WNK1: variants seen among roughly 807,000 people sequenced by gnomAD.
WNK1 encodes serine/threonine-protein kinase WNK1.
WNK1 carries 38 observed loss-of-function variants against 222.8 expected under a neutral mutation model. That is an observed-to-expected ratio of 0.17 (90% CI 0.13 to 0.22). The LOEUF is 0.22. WNK1 is among the 10% of genes least tolerant of loss of function. WNK1 has a pLI of 1.00. For missense variants in WNK1, 2,348 were observed against 2,918.4 expected (o/e 0.80, Z 4.50); for synonymous variants, 1,090 against 1,092.9 (o/e 1.00, Z 0.05).
intron 1 of WNK1, among the ~76,000 whole-genome samples, chr12:763,998 G>A (rs1201456616): frequency 2.7e-5 from 4 of 147,510 alleles, no homozygotes; most frequent in Non-Finnish European, 6.1e-5. Context: ...CCAGTAAGAA[G>A]TTCAATAGGC....
At chr12:879,508 CCTTG>C in intron 10 of WNK1, 61 bp from the exon 11 acceptor site, 1 of 964,414 alleles carries the variant, frequency 1.0e-6, no homozygotes. Flanking sequence ...CTTTTGGCAG[CCTTG>C]CTTTTTTTTT....
intron 1 of WNK1, among the ~76,000 whole-genome samples, chr12:801,495 A>C (rs1389989012): frequency 6.8e-6 from 1 of 146,172 alleles, no homozygotes; most frequent in Non-Finnish European, 1.5e-5. Context: ...TGCAGCCTCA[A>C]CCTCCTGGGC....
chr12:861,225 C>G lies in WNK1; in HGVS notation c.1833C>G (p.Thr611=), dbSNP rs750433294. 2 of 1,614,042 alleles carry G rather than the reference C, an allele frequency of 1.2e-6. No individual in the cohort carries two copies. Among genetic ancestry groups the G allele is most frequent in the Non-Finnish European group, 1.7e-6 (2 of 1,179,992 alleles). The change falls in exon 7 of 28, where the codon ACC becomes ACG. Residue 611 remains threonine (T), a synonymous_variant. Transcript: ENST00000315939. The part of the protein sequence containing the change: ...TGIKQLPSAS[T]GIPTASTTSA... ...TCAAGCAGCTCCCTTCTGCTAGCAC[C>G]GGCATACCTACTGCTTCTACCACTT...
At chr12:892,212 G>A (rs915210462) in intron 22 of WNK1, among the ~76,000 whole-genome samples, 3 of 151,920 alleles carry the variant, frequency 2.0e-5, no homozygotes, top group African/African-American at 7.3e-5. Context: ...ATCTCCTAAT[G>A]CCATCCCTCC....
chr12:836,207 G>C (rs1245481846), intron 4 of WNK1, among the ~76,000 whole-genome samples: 4 of 152,108 alleles, frequency 2.6e-5, no homozygotes, highest in African/African-American at 7.2e-5. Flanking sequence ...AGTTGTAGTG[G>C]ATCAAAGTAG....
rs563115902 is a variant in WNK1, at chr12:758,489, G to A, written c.759+4165G>A. ...TGCAAGCTCCACTTCCTGGGTTCAC[G>A]CCATTCTCCTGCCTCAGCCTCCCGA... On this transcript the variant is annotated intron_variant, in intron 1 of 27. Transcript: ENST00000315939. Among the ~76,000 whole-genome samples the A allele has an allele frequency of 3.9e-5, 5 of 128,984 alleles. 1 individual carries two copies. In the South Asian group the frequency reaches 1.1e-3, roughly 28 times the overall value. The allele number at this position is 128,984 out of a possible 152,430, so 84.6% of individuals were successfully genotyped here.
rs988489329 is a variant in WNK1, at chr12:864,975, A to C, written c.2139+2705A>C. On this transcript the variant is annotated intron_variant, in intron 8 of 27. Coordinates refer to ENST00000315939, the MANE Select transcript of WNK1 (RefSeq NM_018979.4). ...ATGTTGAGTTATAGCTCTCCTCAAA[A>C]AAAAAACTGACTTTGTGGAATTGGG... 76 of 1,243,904 alleles carry C rather than the reference A, an allele frequency of 6.1e-5. 1 individual carries two copies. The highest frequency in any genetic ancestry group is 7.4e-5 in the Non-Finnish European group (69 of 934,168). The allele number at this position is 1,243,904 out of a possible 1,614,324, so 77.1% of individuals were successfully genotyped here.
chr12:802,604 A>T (rs1029656576), intron 1 of WNK1, among the ~76,000 whole-genome samples: 2 of 152,098 alleles, frequency 1.3e-5, no homozygotes, highest in African/African-American at 4.8e-5. Context: ...TTCCCTCTAG[A>T]AGTAAAAAAG....
rs1182500229 is a variant in WNK1 at position 884,862 on chromosome 12, C to T, written c.4058C>T (p.Thr1353Ile). 5.6e-6 allele frequency: 9 copies of T among 1,614,062 alleles called. No individual in the cohort carries two copies. The highest frequency in any genetic ancestry group is 7.6e-6 in the Non-Finnish European group (9 of 1,180,022). The change falls in exon 19 of 28, where the codon ACA (threonine) becomes ATA (isoleucine). Residue 1353 changes from threonine to isoleucine, a missense_variant. By Grantham distance (89) the Thr-to-Ile change is moderately conservative. Transcript: ENST00000315939. The surrounding 1 kb of genome is among the most constrained non-coding windows in gnomAD (Gnocchi z 5.6). Reference protein sequence around the residue: ...IAGVPTTAAATAPVPATSSPP... With the variant: ...IAGVPTTAAAIAPVPATSSPP... ...GGAGTCCCAACCACAGCAGCAGCCA[C>T]AGCACCAGTCCCTGCAACAAGCAGC...
At chr12:806,425 G>A (rs558699630) in intron 1 of WNK1, among the ~76,000 whole-genome samples, 23 of 152,288 alleles carry the variant, frequency 1.5e-4, no homozygotes, top group African/African-American at 5.5e-4. Flanking sequence ...GGAGACTGGG[G>A]CCAGGGTCCT....
At chr12:876,420 A>G (rs1952620727) in intron 9 of WNK1, among the ~76,000 whole-genome samples, 1 of 152,228 alleles carries the variant, frequency 6.6e-6, no homozygotes, top group African/African-American at 2.4e-5. Context: ...AAAAAAAAGA[A>G]TACATTATCA....
chr12:837,572 T>TAAAA (rs530005542), intron 4 of WNK1, among the ~76,000 whole-genome samples: 2 of 123,662 alleles, frequency 1.6e-5, no homozygotes, highest in African/African-American at 6.6e-5. Context: ...AGACCCTGTC[T>TAAAA]AAAAAAAAAA....
chr12:824,657 A>G (rs1404856967), intron 2 of WNK1, among the ~76,000 whole-genome samples: 2 of 119,358 alleles, frequency 1.7e-5, no homozygotes, highest in South Asian at 2.9e-4. Flanking sequence ...GGGAGGTGCT[A>G]TGGGAATAGT....
chr12:886,091 T>G lies in WNK1; in HGVS notation c.5280+7T>G, dbSNP rs1204855482. On this transcript the variant is annotated splice_region_variant and intron_variant, in intron 19 of 27. Transcript: ENST00000315939. The stretch of plus-strand genomic sequence containing the variant: ...ACCTCTAACTAAGGCTCCGGTAAAA[T>G]TATTGTTATAAAATAATTAGATAAA... 2 of 1,602,632 alleles carry G rather than the reference T, an allele frequency of 1.2e-6. No homozygotes were observed. The highest frequency in any genetic ancestry group is 2.7e-5 in the African/African-American group (2 of 73,538).
At position 862,167 on chromosome 12, in the gene WNK1, C is replaced by T. The variant is rs1393568280; in HGVS notation, c.2036C>T (p.Ser679Phe). 5.0e-6 allele frequency: 8 copies of T among 1,614,072 alleles called. No individual in the cohort carries two copies. The highest frequency in any genetic ancestry group is 5.9e-6 in the Non-Finnish European group (7 of 1,180,006). ...VSSQQTVSYG[S>F]QHEQAHSTGT... ...AGCCAACAGACAGTTTCATATGGTT[C>T]CCAACATGAACAGGCACATTCTACA... The change falls in exon 8 of 28, where the codon TCC (serine) becomes TTC (phenylalanine). Residue 679 changes from serine to phenylalanine, a missense_variant. Coordinates refer to ENST00000315939, the MANE Select transcript of WNK1 (RefSeq NM_018979.4).
chr12:864,206 C>A (rs1369928348), intron 8 of WNK1, among the ~76,000 whole-genome samples: 1 of 149,968 alleles, frequency 6.7e-6, no homozygotes, highest in East Asian at 1.9e-4. Flanking sequence ...CTCCTGGGTT[C>A]AAGTGATTCT....
intron 12 of WNK1, 41 bp from the exon 13 acceptor site, chr12:881,651 T>C: frequency 6.7e-7 from 1 of 1,498,436 alleles, no homozygotes; most frequent in East Asian, 2.3e-5. Flanking sequence ...GAATGATAAA[T>C]CTATTACTAC....
intron 26 of WNK1, chr12:901,779 G>A (rs1489844920): frequency 5.4e-6 from 2 of 369,948 alleles, no homozygotes; most frequent in Non-Finnish European, 9.4e-6. Flanking sequence ...CTGAATTACT[G>A]TTACCCTCAG....
At chr12:848,496 C>CTT (rs10644583) in intron 4 of WNK1, among the ~76,000 whole-genome samples, 3,564 of 99,152 alleles carry the variant, frequency 0.036, 306 homozygotes, top group African/African-American at 0.12. Context: ...CCAGTAAAAA[C>CTT]TTTTTTTTTT....
Sources: gnomAD v4.1 joint callset for allele counts (sites outside exome capture counted in the v4.1 genomes callset) on GRCh38, gnomAD v4.1.1 for gene constraint, Gnocchi (gnomAD v3.1) non-coding constraint, MANE v1.5 for transcripts, NCBI Gene and HGNC (gene_info 2026-07-23, HGNC 2026-07-21) for gene names.